The following C1orf87 variants were observed in gnomAD, a reference collection of about 807,000 sequenced individuals.
C1orf87 encodes the protein uncharacterized protein C1orf87.
In C1orf87, 58 loss-of-function variants were observed where a neutral mutation model predicts 60.5. The ratio of observed to expected loss-of-function variants is 0.96; its 90% CI spans 0.78 to 1.19. The LOEUF is 1.19. Among genes scored for constraint, C1orf87 ranks in the 50% most tolerant of loss-of-function variants. The pLI, the probability that C1orf87 is intolerant of heterozygous loss-of-function variation, is 0.00. For missense variants in C1orf87, 673 were observed against 638.6 expected (o/e 1.05, Z -0.58); for synonymous variants, 236 against 227.4 (o/e 1.04, Z -0.34).
chr1:60,050,291 G>A (rs1645404912), intron 3 of C1orf87, among the ~76,000 whole-genome samples: 1 of 151,854 alleles, frequency 6.6e-6, no homozygotes, highest in Admixed American at 6.6e-5. Flanking sequence ...ATCTACCCTT[G>A]TATCTTTCTG....
At chr1:59,998,803 G>A (rs1644981384) in intron 10 of C1orf87, among the ~76,000 whole-genome samples, 1 of 152,126 alleles carries the variant, frequency 6.6e-6, no homozygotes, top group South Asian at 2.1e-4. Context: ...CTGAGAAAGA[G>A]AGAGAATATG....
chr1:60,059,897 G>T (rs946376151), intron 2 of C1orf87, among the ~76,000 whole-genome samples: 3 of 152,222 alleles, frequency 2.0e-5, no homozygotes, highest in South Asian at 2.1e-4. Flanking sequence ...GTTCTTATTT[G>T]TAAGTAATAA....
intron 9 of C1orf87, among the ~76,000 whole-genome samples, chr1:60,003,729 GAATTA>G (rs1461349916): frequency 6.6e-6 from 1 of 151,946 alleles, no homozygotes; most frequent in Non-Finnish European, 1.5e-5. Context: ...CCCCTCATTA[GAATTA>G]AATACTCAAT....
chr1:60,001,242 G>A (rs636791), intron 9 of C1orf87, 86 bp from the exon 10 acceptor site: 7,543 of 134,992 alleles, frequency 0.056, 96 homozygotes, highest in Non-Finnish European at 0.066. Context: ...AACAACAACA[G>A]CAACAACAAA....
intron 2 of C1orf87, among the ~76,000 whole-genome samples, chr1:60,068,165 C>T (rs1432196682): frequency 6.6e-6 from 1 of 152,082 alleles, no homozygotes; most frequent in African/African-American, 2.4e-5. Context: ...TGCAGTACTC[C>T]ACTGAGTTCT....
chr1:60,066,372 T>G (rs1417970319), intron 2 of C1orf87, among the ~76,000 whole-genome samples: 2 of 152,214 alleles, frequency 1.3e-5, no homozygotes, highest in Non-Finnish European at 2.9e-5. Context: ...AATCCTTTGT[T>G]GTCAATTCAA....
chr1:60,002,079 C>A (rs910642812), intron 9 of C1orf87, among the ~76,000 whole-genome samples: 1 of 152,076 alleles, frequency 6.6e-6, no homozygotes, highest in Non-Finnish European at 1.5e-5. Flanking sequence ...GGAGCCTCAG[C>A]TTTATTAATC....
chr1:59,997,718 C>T lies in C1orf87; in HGVS notation c.1371G>A (p.Gln457=), dbSNP rs746683852. ...TCTTCACAGCTGGATTCACGAAGGG[C>T]TGGGAGACTGGCCTGATCTTTAAAG... ...LKPLKIRPVS[Q]PFVNPAVKNK... is the part of the protein sequence containing the mutation. Residue 457 remains glutamine, a synonymous_variant, in exon 11 of 12, where the codon CAG becomes CAA. Transcript: ENST00000371201. The T allele has an allele frequency of 1.2e-6, 2 of 1,613,994 alleles. No homozygotes were observed. Among genetic ancestry groups the T allele is most frequent in the East Asian group, 4.5e-5 (2 of 44,864 alleles).
In C1orf87 at chr1:60,031,082, T is replaced by C. The variant is rs187787510; in HGVS notation, c.1029+2394A>G. On this transcript the variant is annotated intron_variant, in intron 7 of 11. Transcript: ENST00000371201. Reference sequence around the variant, plus strand: ...GCTTTCATAGTCTGTGATTCTCTCTTCTGCACCCAAAGGAAATTCAGAGCT... The same window carrying C: ...GCTTTCATAGTCTGTGATTCTCTCTCCTGCACCCAAAGGAAATTCAGAGCT... 1.2e-3 allele frequency among the ~76,000 whole-genome samples: 184 copies of C among 152,256 alleles called. 1 individual carries two copies. The highest frequency in any genetic ancestry group is 7.4e-4 in the Non-Finnish European group (50 of 68,016).
intron 6 of C1orf87, among the ~76,000 whole-genome samples, chr1:60,035,025 T>C (rs1315302185): frequency 6.6e-6 from 1 of 152,146 alleles, no homozygotes. Context: ...AAAAGTTTGG[T>C]ACAGAGAAGG....
chr1:60,067,405 A>G (rs1487968486), intron 2 of C1orf87, among the ~76,000 whole-genome samples: 2 of 152,200 alleles, frequency 1.3e-5, no homozygotes, highest in East Asian at 3.9e-4. Flanking sequence ...AATGATTGCC[A>G]TTCTAACTGG....
intron 3 of C1orf87, among the ~76,000 whole-genome samples, chr1:60,054,027 G>A (rs1230385373): frequency 6.6e-6 from 1 of 152,094 alleles, no homozygotes; most frequent in Non-Finnish European, 1.5e-5. Flanking sequence ...CATTCTTTGG[G>A]AGCAAAAACA....
chr1:59,994,447 G>A (rs565115446), intron 11 of C1orf87, among the ~76,000 whole-genome samples: 35 of 152,234 alleles, frequency 2.3e-4, no homozygotes, highest in African/African-American at 7.9e-4. Flanking sequence ...CCTTCAGCAT[G>A]TTGTTGATGT....
chr1:60,037,022 G>C (rs1482791069), intron 6 of C1orf87, among the ~76,000 whole-genome samples: 1 of 152,166 alleles, frequency 6.6e-6, no homozygotes, highest in Non-Finnish European at 1.5e-5. Flanking sequence ...AAAGACACAT[G>C]CTTGATGTTA....
At chr1:60,048,503 G>T (rs1379880906) in intron 3 of C1orf87, among the ~76,000 whole-genome samples, 1 of 152,094 alleles carries the variant, frequency 6.6e-6, no homozygotes, top group Non-Finnish European at 1.5e-5. Context: ...GCAATTTGTT[G>T]TATACCAAAA....
intron 2 of C1orf87, among the ~76,000 whole-genome samples, chr1:60,063,539 T>C (rs1645511196): frequency 1.3e-5 from 2 of 152,192 alleles, no homozygotes; most frequent in Admixed American, 1.3e-4. Context: ...ATGGCCCTAC[T>C]GGCTTCTCTG....
intron 2 of C1orf87, among the ~76,000 whole-genome samples, chr1:60,059,987 C>T (rs1038805141): frequency 6.6e-6 from 1 of 151,884 alleles, no homozygotes; most frequent in Non-Finnish European, 1.5e-5. Context: ...GGGAGTACAG[C>T]TGAAAAAGCT....
At chr1:60,005,991 A>C (rs1645042561) in intron 9 of C1orf87, among the ~76,000 whole-genome samples, 1 of 151,924 alleles carries the variant, frequency 6.6e-6, no homozygotes, top group Non-Finnish European at 1.5e-5. Context: ...ATGGTATCCC[A>C]ATCACAGTCT....
chr1:60,072,590 CATG>C lies in C1orf87; in HGVS notation c.51_53del (p.Ile17del). ...AGTGTTTACTTCCAATGATTTTCACCATGATCTCAGGCATTGCATCTGATCCAC... is the reference window on the plus strand; with the variant it reads ...AGTGTTTACTTCCAATGATTTTCACCATCTCAGGCATTGCATCTGATCCAC... On this transcript the variant is annotated inframe_deletion, in exon 2 of 12. Transcript: ENST00000371201. 1 of 1,613,208 alleles carries C rather than the reference CATG, an allele frequency of 6.2e-7. No individual in the cohort carries two copies. The highest frequency in any genetic ancestry group is 8.5e-7 in the Non-Finnish European group (1 of 1,179,904).
Sources: allele counts gnomAD v4.1 joint callset (sites outside exome capture counted in the v4.1 genomes callset), GRCh38; gene constraint gnomAD v4.1.1; transcripts MANE v1.5; gene names NCBI Gene and HGNC (gene_info 2026-07-23, HGNC 2026-07-21).